Variants in ANKIB1 observed in about 807,000 individuals in gnomAD.
ANKIB1 encodes ankyrin repeat and IBR domain containing 1.
In ANKIB1, 43 loss-of-function variants were observed where a neutral mutation model predicts 122.1. The ratio of observed to expected loss-of-function variants is 0.35; its 90% confidence interval spans 0.28 to 0.45. ANKIB1 has a LOEUF of 0.45. Ranked by LOEUF, ANKIB1 falls within the 20% of genes least tolerant of loss-of-function variation. The pLI is 1.00. For synonymous variants in ANKIB1, 390 were observed against 442.0 expected (o/e 0.88, Z 1.48); for missense variants, 992 against 1,329.5 (o/e 0.75, Z 3.95).
intron 4 of ANKIB1, among the ~76,000 whole-genome samples, chr7:92,324,546 TA>T (rs1424311055): frequency 2.0e-5 from 3 of 152,234 alleles, no homozygotes; most frequent in Non-Finnish European, 4.4e-5. Flanking sequence ...CTTGAATTTT[TA>T]AAAACATCAA....
At chr7:92,287,905 G>A (rs7787408) in intron 1 of ANKIB1, among the ~76,000 whole-genome samples, 44 of 151,986 alleles carry the variant, frequency 2.9e-4, no homozygotes, top group African/African-American at 8.4e-4. Context: ...GCATGGCGGC[G>A]TGCGCCTGTA....
intron 1 of ANKIB1, among the ~76,000 whole-genome samples, chr7:92,274,191 A>G (rs766556621): frequency 1.3e-5 from 2 of 152,124 alleles, no homozygotes; most frequent in Non-Finnish European, 2.9e-5. Flanking sequence ...CCTACAAACA[A>G]TTTTTAAAGT....
rs1345493060 is a variant in ANKIB1 at position 92,309,103 on chromosome 7, GATCTT to G, written c.486+1453_486+1457del. 2.0e-5 allele frequency among the ~76,000 whole-genome samples: 3 copies of G among 152,166 alleles called. No individual in the cohort carries two copies. In the East Asian group the frequency reaches 5.8e-4, roughly 29 times the overall value. ...ATTCTTTGATTTCTAATATGCTTGT[GATCTT>G]ATCTTTTGTTTACTGCTAATGTTTG... On this transcript the variant is annotated intron_variant, in intron 3 of 19. Transcript: ENST00000265742.
intron 1 of ANKIB1, among the ~76,000 whole-genome samples, chr7:92,251,106 A>G (rs550537624): frequency 1.2e-4 from 18 of 152,290 alleles, no homozygotes; most frequent in Non-Finnish European, 2.6e-4. Flanking sequence ...AATCCTTGCT[A>G]CTCAAGTCAC....
chr7:92,377,317 C>A (rs1367028993), intron 11 of ANKIB1, among the ~76,000 whole-genome samples: 1 of 152,030 alleles, frequency 6.6e-6, no homozygotes, highest in Non-Finnish European at 1.5e-5. Context: ...GTGGTCAGAA[C>A]ACATACAACA....
At chr7:92,254,373 T>C (rs1242987881) in intron 1 of ANKIB1, among the ~76,000 whole-genome samples, 1 of 152,246 alleles carries the variant, frequency 6.6e-6, no homozygotes, top group Non-Finnish European at 1.5e-5. Context: ...AATATCTTTG[T>C]GCATAGTATA....
intron 1 of ANKIB1, among the ~76,000 whole-genome samples, chr7:92,277,727 G>A (rs982614319): frequency 1.3e-5 from 2 of 151,976 alleles, no homozygotes; most frequent in Admixed American, 6.6e-5. Flanking sequence ...CCAGAGGATC[G>A]CTTGAGGGCA....
intron 16 of ANKIB1, among the ~76,000 whole-genome samples, chr7:92,391,744 G>A (rs1804789176): frequency 6.6e-6 from 1 of 152,028 alleles, no homozygotes; most frequent in Non-Finnish European, 1.5e-5. Context: ...TTTGTATTAA[G>A]AAGTTGTGAA....
chr7:92,365,482 T>A (rs1406955040), intron 10 of ANKIB1, among the ~76,000 whole-genome samples: 1 of 152,182 alleles, frequency 6.6e-6, no homozygotes, highest in Non-Finnish European at 1.5e-5. Context: ...CATTGAGAGA[T>A]GAGACTGTGC....
chr7:92,344,202 T>TG (rs1290572139), intron 6 of ANKIB1, among the ~76,000 whole-genome samples: 15 of 62,610 alleles, frequency 2.4e-4, no homozygotes, highest in Non-Finnish European at 3.4e-4. Flanking sequence ...GGTTTTTTTT[T>TG]TTTTTTTTTT....
At chr7:92,274,231 G>A (rs1801854083) in intron 1 of ANKIB1, among the ~76,000 whole-genome samples, 1 of 151,926 alleles carries the variant, frequency 6.6e-6, no homozygotes, top group South Asian at 2.1e-4. Context: ...AACACTACTG[G>A]GCACTGCAGA....
chr7:92,392,200 T>C, intron 16 of ANKIB1, 41 bp from the exon 17 acceptor site: 1 of 1,550,692 alleles, frequency 6.4e-7, no homozygotes, highest in Non-Finnish European at 8.9e-7. Flanking sequence ...TACTTTGTAG[T>C]ATTGATATTA....
chr7:92,390,974 G>A (rs1353917718), intron 15 of ANKIB1, among the ~76,000 whole-genome samples, 192 bp from the exon 16 acceptor site: 1 of 151,958 alleles, frequency 6.6e-6, no homozygotes, highest in East Asian at 1.9e-4. Flanking sequence ...TTTATATACA[G>A]TCCTTTCTCT....
intron 10 of ANKIB1, among the ~76,000 whole-genome samples, chr7:92,364,339 A>G (rs1022251741): frequency 7.0e-6 from 1 of 143,186 alleles, no homozygotes; most frequent in Non-Finnish European, 1.5e-5. Context: ...AAAAAAAAAA[A>G]GCCTTTATAG....
At chr7:92,390,463 TATAAG>T (rs1219000870) in intron 15 of ANKIB1, among the ~76,000 whole-genome samples, 2 of 152,200 alleles carry the variant, frequency 1.3e-5, no homozygotes, top group Non-Finnish European at 2.9e-5. Flanking sequence ...CCACATTACC[TATAAG>T]ATGAGAAAGT....
At chr7:92,347,774 A>G (rs1803570681) in intron 7 of ANKIB1, among the ~76,000 whole-genome samples, 1 of 152,182 alleles carries the variant, frequency 6.6e-6, no homozygotes, top group South Asian at 2.1e-4. Flanking sequence ...GATTTAGGTA[A>G]TTGGTAGCCT....
chr7:92,336,973 C>T (rs1803304068), intron 5 of ANKIB1, among the ~76,000 whole-genome samples: 1 of 152,092 alleles, frequency 6.6e-6, no homozygotes, highest in South Asian at 2.1e-4. Context: ...TATTCAGTTT[C>T]CCTTATGGTT....
At chr7:92,284,419 T>G (rs773576149) in intron 1 of ANKIB1, among the ~76,000 whole-genome samples, 3 of 152,162 alleles carry the variant, frequency 2.0e-5, no homozygotes, top group Non-Finnish European at 2.9e-5. Context: ...TTATCTCAAG[T>G]CCATTTTCTG....
chr7:92,299,214 C>T (rs574446202), intron 2 of ANKIB1, among the ~76,000 whole-genome samples: 1 of 152,292 alleles, frequency 6.6e-6, no homozygotes, highest in Admixed American at 6.5e-5. Flanking sequence ...CTTCTCAACA[C>T]AGACTTTTCT....
Sources: gnomAD v4.1 joint callset for allele counts (sites outside exome capture counted in the v4.1 genomes callset) on GRCh38, gnomAD v4.1.1 for gene constraint, MANE v1.5 for transcripts, NCBI Gene and HGNC (gene_info 2026-07-23, HGNC 2026-07-21) for gene names.